Variants in CDC42BPA observed in about 807,000 individuals in gnomAD.
CDC42BPA encodes CDC42 binding protein kinase alpha, also known as serine/threonine-protein kinase MRCK alpha.
A neutral mutation model predicts 223.5 loss-of-function variants in CDC42BPA; 80 were observed. The observed-to-expected ratio is 0.36, with a 90% CI of 0.30 to 0.43. The LOEUF is 0.43. CDC42BPA is among the 20% of genes least tolerant of loss of function. The pLI is 1.00. For missense variants in CDC42BPA, 1,743 were observed against 2,099.9 expected, an observed-to-expected ratio of 0.83 and a Z score of 3.32; for synonymous variants, 694 against 718.6, an observed-to-expected ratio of 0.97 and a Z score of 0.55.
chr1:227,020,569 T>C lies in CDC42BPA; in HGVS notation c.4615+2694A>G, dbSNP rs545490283. ...TGCTAGCTTCTTTTCTTCTGCAGGT[T>C]CCTGATAGCTCTCAGCTTTTACAGA... On this transcript the variant is annotated intron_variant, in intron 32 of 36. Coordinates refer to ENST00000366766, the MANE Select transcript of CDC42BPA (RefSeq NM_001394014.1). Among the ~76,000 whole-genome samples the C allele has an allele frequency of 2.4e-4, 37 of 152,360 alleles. No individual in the cohort carries two copies. In the South Asian group the frequency reaches 6.4e-3, roughly 26 times the overall value.
chr1:227,167,637 A>G (rs1665272258), intron 5 of CDC42BPA, among the ~76,000 whole-genome samples: 1 of 149,874 alleles, frequency 6.7e-6, no homozygotes, highest in African/African-American at 2.5e-5. Flanking sequence ...TTTCCTTGGA[A>G]GTACCTGTCA....
chr1:227,315,470 A>G (rs980619283), intron 1 of CDC42BPA, among the ~76,000 whole-genome samples: 1 of 152,060 alleles, frequency 6.6e-6, no homozygotes, highest in Non-Finnish European at 1.5e-5. Flanking sequence ...AGCTTCGCAG[A>G]TAGGAAAGAA....
rs1204065277 is a variant in CDC42BPA at position 227,016,966 on chromosome 1, G to A, written c.4700C>T (p.Ser1567Phe). 1.2e-6 allele frequency: 2 copies of A among 1,613,028 alleles called. No homozygotes were observed. Among genetic ancestry groups the A allele is most frequent in the South Asian group, 2.2e-5 (2 of 90,796 alleles). The change falls in exon 33 of 37, where the codon TCC becomes TTC. Residue 1567 changes from serine (S) to phenylalanine (F), a missense_variant. Ser to Phe is a radical substitution (Grantham distance 155). Coordinates refer to ENST00000366766, the MANE Select transcript of CDC42BPA (RefSeq NM_001394014.1). The stretch of plus-strand genomic sequence containing the variant: ...CCTTTCCTCTTCTGGGACTCTGAAG[G>A]AATAACGCCGCTTATTGTTAATGTT... Reference protein sequence around the residue: ...VRNINNKRRYSFRVPEEERMQ... With the variant: ...VRNINNKRRYFFRVPEEERMQ...
At chr1:227,196,226 T>A (rs978337649) in intron 4 of CDC42BPA, among the ~76,000 whole-genome samples, 2 of 151,656 alleles carry the variant, frequency 1.3e-5, no homozygotes, top group African/African-American at 4.8e-5. Context: ...CGTAGGAATA[T>A]CAGGAAACTC....
intron 20 of CDC42BPA, 42 bp downstream of exon 20, chr1:227,072,166 A>G (rs1425676351): frequency 6.7e-6 from 7 of 1,050,182 alleles, no homozygotes; most frequent in South Asian, 1.4e-5. Context: ...TATTTATAAC[A>G]TAACAGTAAG....
intron 6 of CDC42BPA, among the ~76,000 whole-genome samples, chr1:227,154,445 C>T (rs374642852): frequency 6.6e-5 from 10 of 151,828 alleles, no homozygotes; most frequent in East Asian, 1.9e-4. Context: ...TCATAATTTA[C>T]GGATTACATG....
At chr1:227,179,316 C>CTGTA (rs1364252124) in intron 5 of CDC42BPA, among the ~76,000 whole-genome samples, 1 of 151,162 alleles carries the variant, frequency 6.6e-6, no homozygotes, top group Non-Finnish European at 1.5e-5. Flanking sequence ...AATGAGTGGA[C>CTGTA]TGTATGGTAT....
intron 19 of CDC42BPA, 93 bp downstream of exon 19, chr1:227,073,771 A>G: frequency 1.9e-6 from 2 of 1,029,212 alleles, no homozygotes; most frequent in Non-Finnish European, 2.8e-6. Flanking sequence ...TTTTTCTAAA[A>G]GCAAGCAATG....
At chr1:227,167,376 GAC>G (rs1248257950) in intron 5 of CDC42BPA, among the ~76,000 whole-genome samples, 1 of 152,050 alleles carries the variant, frequency 6.6e-6, no homozygotes, top group Non-Finnish European at 1.5e-5. Context: ...GATGACAAAT[GAC>G]CTTTTCACTG....
At chr1:227,008,576 C>A (rs1334868571) in intron 34 of CDC42BPA, among the ~76,000 whole-genome samples, 2 of 152,072 alleles carry the variant, frequency 1.3e-5, no homozygotes, top group Non-Finnish European at 2.9e-5. Context: ...GAGGTTAGAG[C>A]TCAGAGAAAG....
chr1:227,157,584 G>A lies in CDC42BPA; in HGVS notation c.693+2959C>T, dbSNP rs73086749. 9.1e-3 allele frequency among the ~76,000 whole-genome samples: 1,382 copies of A among 152,230 alleles called. 24 individuals carry two copies. The highest frequency in any genetic ancestry group is 0.032 in the African/African-American group (1,320 of 41,536). ...CAGATGTGGTTCTCTTTATAGGTTT[G>A]AGATATGGTAAAATTCTTAGATCTG... On this transcript the variant is annotated intron_variant, in intron 6 of 36. Coordinates refer to ENST00000366766, the MANE Select transcript of CDC42BPA (RefSeq NM_001394014.1).
intron 8 of CDC42BPA, 42 bp from the exon 9 acceptor site, chr1:227,143,066 A>G (rs751807081): frequency 2.4e-6 from 3 of 1,262,110 alleles, no homozygotes; most frequent in Non-Finnish European, 3.2e-6. Flanking sequence ...AGATAGCTAT[A>G]TGATCTGTAG....
chr1:227,201,846 T>C (rs1671827648), intron 3 of CDC42BPA, among the ~76,000 whole-genome samples: 1 of 152,142 alleles, frequency 6.6e-6, no homozygotes, highest in East Asian at 1.9e-4. Flanking sequence ...TACCTAATTT[T>C]TTCTTAATGG....
chr1:227,066,353 G>A lies in CDC42BPA; in HGVS notation c.2904+3424C>T, dbSNP rs572243837. Among the ~76,000 whole-genome samples the A allele has an allele frequency of 1.8e-4, 27 of 151,418 alleles. 1 individual carries two copies. The highest frequency in any genetic ancestry group is 3.4e-4 in the African/African-American group (14 of 41,238). On this transcript the variant is annotated intron_variant, in intron 21 of 36. Coordinates refer to ENST00000366766, the MANE Select transcript of CDC42BPA (RefSeq NM_001394014.1). ...TGCAGTGAGCTGAGATCGTGTCACCGCACTCCAGCCTGGTGACAGGGTGAA... is the reference window on the plus strand; with the variant it reads ...TGCAGTGAGCTGAGATCGTGTCACCACACTCCAGCCTGGTGACAGGGTGAA...
intron 8 of CDC42BPA, among the ~76,000 whole-genome samples, chr1:227,143,776 C>G (rs555923171): frequency 6.6e-6 from 1 of 152,276 alleles, no homozygotes; most frequent in Non-Finnish European, 1.5e-5. Flanking sequence ...ATATATTGAT[C>G]AGTTGATCAG....
chr1:227,209,499 T>C (rs1317442632), intron 3 of CDC42BPA, among the ~76,000 whole-genome samples: 1 of 139,458 alleles, frequency 7.2e-6, no homozygotes, highest in Non-Finnish European at 1.5e-5. Context: ...GGGTTTGTCA[T>C]AGATAGCTCT....
In CDC42BPA at chr1:226,992,025, G is replaced by C. The variant is rs1660808894; in HGVS notation, c.*2243C>G. 1 of 11,684 alleles carries C rather than the reference G, an allele frequency of 8.6e-5. No individual in the cohort carries two copies. Among genetic ancestry groups the C allele is most frequent in the African/African-American group, 4.0e-4 (1 of 2,528 alleles). 0.7% of individuals were successfully genotyped at this position (11,684 alleles called of 1,614,324 possible). On this transcript the variant is annotated 3_prime_UTR_variant, in exon 37 of 37. Transcript: ENST00000366766. ...GAGGAGGGGAGGGTGGGGAGAGTGA[G>C]GAGGGTGGGGAGAGTGAGGAGGGTG...
Position 227,220,325 on chromosome 1 carries a change from CACAT to C in CDC42BPA, c.271-7110_271-7107del, listed in dbSNP as rs1339674591. Among the ~76,000 whole-genome samples, 172 of 135,480 alleles carry C rather than the reference CACAT, an allele frequency of 1.3e-3. 1 individual carries two copies. Among genetic ancestry groups the C allele is most frequent in the African/African-American group, 4.3e-3 (160 of 37,062 alleles). The allele number at this position is 135,480 out of a possible 152,430, so 88.9% of individuals were successfully genotyped here. On this transcript the variant is annotated intron_variant, in intron 2 of 36. Transcript: ENST00000366766. Reference sequence around the variant, plus strand: ...ATATATATATATACACACACACACACACATACATATATGGATATATATAAAATAA... The same window carrying C: ...ATATATATATATACACACACACACACACATATATGGATATATATAAAATAA...
chr1:227,239,333 A>C (rs1476021622), intron 2 of CDC42BPA, among the ~76,000 whole-genome samples: 1 of 152,216 alleles, frequency 6.6e-6, no homozygotes, highest in African/African-American at 2.4e-5. Context: ...TCTGTTTGAT[A>C]CTACAATGGC....
Sources: gnomAD v4.1 joint callset for allele counts (sites outside exome capture counted in the v4.1 genomes callset) on GRCh38, gnomAD v4.1.1 for gene constraint, MANE v1.5 for transcripts, NCBI Gene and HGNC (gene_info 2026-07-23, HGNC 2026-07-21) for gene names.